The following TENM4 variants were observed in gnomAD, a reference collection of about 807,000 sequenced individuals.
The protein encoded by TENM4 is teneurin transmembrane protein 4.
In TENM4, 82 loss-of-function variants were observed where a neutral mutation model predicts 243.3. That is an observed-to-expected ratio of 0.34 (90% CI 0.28 to 0.40). The LOEUF is 0.40. Ranked by LOEUF, TENM4 falls within the 10% of genes least tolerant of loss-of-function variation. TENM4 has a pLI of 1.00. For missense variants in TENM4, 3,138 were observed against 3,673.3 expected, an observed-to-expected ratio of 0.85 and a Z score of 3.77; for synonymous variants, 1,412 against 1,456.3, an observed-to-expected ratio of 0.97 and a Z score of 0.69.
intron 9 of TENM4, among the ~76,000 whole-genome samples, chr11:78,878,435 T>C (rs1486900194): frequency 3.3e-5 from 5 of 152,160 alleles, no homozygotes; most frequent in Non-Finnish European, 7.3e-5. Context: ...GGCATAGAAC[T>C]GGGTTCCTGG....
intron 16 of TENM4, among the ~76,000 whole-genome samples, chr11:78,782,291 G>A (rs149851361): frequency 0.028 from 4,168 of 151,480 alleles, 213 homozygotes; most frequent in African/African-American, 0.096. Flanking sequence ...GTGAAACCCC[G>A]TCACTACTAA....
At chr11:79,387,312 T>C (rs999754002) in intron 1 of TENM4, among the ~76,000 whole-genome samples, 2 of 152,204 alleles carry the variant, frequency 1.3e-5, no homozygotes, top group Admixed American at 6.5e-5. Flanking sequence ...TTTAAAGTTC[T>C]GGTTACATTG....
chr11:79,309,400 C>G (rs900558377), intron 1 of TENM4, among the ~76,000 whole-genome samples: 2 of 152,132 alleles, frequency 1.3e-5, no homozygotes, highest in African/African-American at 4.8e-5. Context: ...GGGGCCCATA[C>G]AGGGTGGGCA....
chr11:78,823,386 T>G (rs1443525797), intron 12 of TENM4, among the ~76,000 whole-genome samples: 1 of 152,206 alleles, frequency 6.6e-6, no homozygotes, highest in Non-Finnish European at 1.5e-5. Context: ...AACGGTGCTC[T>G]GTGACACAGC....
At chr11:78,889,664 G>A in intron 9 of TENM4, 121 bp downstream of exon 9, 2 of 1,109,038 alleles carry the variant, frequency 1.8e-6, no homozygotes, top group South Asian at 1.5e-5. Context: ...AGGGCTGCCT[G>A]GCTCACACTG....
intron 2 of TENM4, among the ~76,000 whole-genome samples, chr11:79,235,269 C>T (rs183621902): frequency 2.6e-4 from 39 of 152,156 alleles, no homozygotes; most frequent in Middle Eastern, 6.8e-3. Context: ...GCCAAGATAT[C>T]GCGCCACTGC....
chr11:78,688,277 C>G, intron 28 of TENM4, 51 bp from the exon 29 acceptor site: 1 of 1,566,754 alleles, frequency 6.4e-7, no homozygotes, highest in Non-Finnish European at 8.7e-7. Context: ...GGTGCTCTAG[C>G]TGGAACTTGG....
At chr11:79,382,079 T>A (rs550928639) in intron 1 of TENM4, among the ~76,000 whole-genome samples, 1 of 152,284 alleles carries the variant, frequency 6.6e-6, no homozygotes, top group East Asian at 1.9e-4. Context: ...AACTTAGACA[T>A]AATTACAACA....
intron 6 of TENM4, among the ~76,000 whole-genome samples, chr11:78,975,835 T>C (rs960508401): frequency 3.9e-5 from 6 of 152,048 alleles, no homozygotes; most frequent in Admixed American, 6.6e-5. Flanking sequence ...GGGATATTAA[T>C]TGGGTACCTA....
At chr11:78,727,980 C>T (rs1339116398) in intron 22 of TENM4, among the ~76,000 whole-genome samples, 1 of 152,200 alleles carries the variant, frequency 6.6e-6, no homozygotes, top group Admixed American at 6.5e-5. Context: ...ACCCCTTCCC[C>T]CATGGCCTTG....
intron 6 of TENM4, among the ~76,000 whole-genome samples, chr11:78,988,238 G>A (rs1486225067): frequency 6.6e-6 from 1 of 152,150 alleles, no homozygotes; most frequent in Non-Finnish European, 1.5e-5. Context: ...AAGAAACTGA[G>A]GCCTCCTGCC....
At chr11:79,154,358 C>T (rs758573699) in intron 3 of TENM4, among the ~76,000 whole-genome samples, 1 of 152,090 alleles carries the variant, frequency 6.6e-6, no homozygotes, top group East Asian at 1.9e-4. Context: ...AGAGTGAGAA[C>T]TCACTCATTA....
chr11:78,859,308 C>G (rs1591076970), intron 10 of TENM4, among the ~76,000 whole-genome samples: 1 of 152,332 alleles, frequency 6.6e-6, no homozygotes, highest in Non-Finnish European at 1.5e-5. Context: ...TCTACAATCA[C>G]TGGGTGCCCC....
At chr11:79,437,696 G>C (rs1294391430) in intron 1 of TENM4, among the ~76,000 whole-genome samples, 1 of 152,152 alleles carries the variant, frequency 6.6e-6, no homozygotes, top group Non-Finnish European at 1.5e-5. Flanking sequence ...GAGGGAGCTG[G>C]GATGCGCGGG....
intron 9 of TENM4, among the ~76,000 whole-genome samples, chr11:78,867,192 G>A (rs1188431667): frequency 1.3e-5 from 2 of 152,034 alleles, no homozygotes; most frequent in Non-Finnish European, 2.9e-5. Context: ...AAATAGCACA[G>A]TTCTTTATTT....
intron 1 of TENM4, among the ~76,000 whole-genome samples, chr11:79,341,562 C>G (rs926744380): frequency 6.6e-6 from 1 of 152,234 alleles, no homozygotes; most frequent in Non-Finnish European, 1.5e-5. Context: ...GAACTCAGCA[C>G]ACACTGTGCA....
intron 3 of TENM4, among the ~76,000 whole-genome samples, chr11:79,167,106 C>T (rs150197977): frequency 6.1e-4 from 92 of 151,612 alleles, no homozygotes; most frequent in African/African-American, 2.0e-3. Flanking sequence ...TGGGGAGAGG[C>T]GGTTCAGGCC....
chr11:78,737,759 T>C (rs755962306), intron 20 of TENM4, among the ~76,000 whole-genome samples: 7 of 152,224 alleles, frequency 4.6e-5, no homozygotes, highest in African/African-American at 7.2e-5. Flanking sequence ...ATATTTATTG[T>C]ATACTTACTA....
chr11:79,316,677 G>A (rs1590874459), intron 1 of TENM4, among the ~76,000 whole-genome samples: 2 of 152,108 alleles, frequency 1.3e-5, no homozygotes, highest in Admixed American at 6.5e-5. Context: ...ATTTCTGATG[G>A]TTTGCTCCCC....
Sources: allele counts gnomAD v4.1 joint callset (sites outside exome capture counted in the v4.1 genomes callset), GRCh38; gene constraint gnomAD v4.1.1; transcripts MANE v1.5; gene names NCBI Gene and HGNC (gene_info 2026-07-23, HGNC 2026-07-21).